The following MAGEC3 variants were observed in gnomAD, a reference collection of about 807,000 sequenced individuals.
MAGEC3 encodes the protein melanoma-associated antigen C3.
In MAGEC3, 34 loss-of-function variants were observed where a neutral mutation model predicts 35.3. The ratio of observed to expected loss-of-function variants is 0.96; its 90% confidence interval spans 0.73 to 1.28. MAGEC3 has a LOEUF of 1.28. Among genes scored for constraint, MAGEC3 ranks in the 50% most tolerant of loss-of-function variants. The pLI, the probability that MAGEC3 is intolerant of heterozygous loss-of-function variation, is 0.00. For synonymous variants in MAGEC3, 202 were observed against 185.6 expected (o/e 1.09, Z -0.72); for missense variants, 561 against 483.6 (o/e 1.16, Z -1.50).
chrX:141,883,404 G>A (rs1056811909), intron 4 of MAGEC3, among the ~76,000 whole-genome samples: 1 of 112,071 alleles, frequency 8.9e-6, no homozygotes, highest in Non-Finnish European at 1.9e-5. Context: ...GTTGGTCCTT[G>A]ATTCAAATTC....
At position 141,895,396 on chromosome X, in the gene MAGEC3, C is replaced by T. The variant is rs371315429; in HGVS notation, c.1037C>T (p.Ala346Val). The T allele has an allele frequency of 2.2e-5, 27 of 1,208,101 alleles. No individual in the cohort carries two copies. Among genetic ancestry groups the T allele is most frequent in the Non-Finnish European group, 3.0e-5 (27 of 894,655 alleles). ...RSAEGSVLDL[A>V]NPQGLAGHRQ... ...GCAGAGGGAAGCGTCTTAGACCTGG[C>T]CAATCCTCAAGGTAAGGGCCCTAAG... Residue 346 changes from alanine (A) to valine (V), a missense_variant, in exon 5 of 8, where the codon GCC becomes GTC. Ala to Val is a moderately conservative substitution (Grantham distance 64). Coordinates refer to ENST00000298296, the MANE Select transcript of MAGEC3 (RefSeq NM_138702.1).
chrX:141,895,969 G>A (rs747807840), intron 6 of MAGEC3, among the ~76,000 whole-genome samples: 66 of 111,773 alleles, frequency 5.9e-4, no homozygotes, highest in African/African-American at 2.0e-3. Context: ...TGCTCTCAGG[G>A]ATGTGGAGTT....
chrX:141,895,659 A>G, intron 6 of MAGEC3, 100 bp downstream of exon 6: 1 of 783,419 alleles, frequency 1.3e-6, no homozygotes, highest in Non-Finnish European at 1.7e-6. Context: ...CCTGCTCCTC[A>G]TATCAGCCCT....
At chrX:141,851,663 A>T (rs1211048839) in intron 1 of MAGEC3, among the ~76,000 whole-genome samples, 1 of 110,524 alleles carries the variant, frequency 9.0e-6, no homozygotes, top group South Asian at 3.8e-4. Context: ...CTTGTCCCAG[A>T]CTCTGACAAT....
chrX:141,896,825 C>A (rs1487977024), intron 6 of MAGEC3, 57 bp from the exon 7 acceptor site: 1 of 1,202,290 alleles, frequency 8.3e-7, no homozygotes, highest in Non-Finnish European at 1.1e-6. Flanking sequence ...TCTTCCTTGT[C>A]CTCATCCTCA....
At chrX:141,892,840 T>G (rs1487024371) in intron 4 of MAGEC3, among the ~76,000 whole-genome samples, 1 of 111,883 alleles carries the variant, frequency 8.9e-6, no homozygotes, top group Non-Finnish European at 1.9e-5. Context: ...AAAAAAGAGA[T>G]AAATTGGACT....
intron 1 of MAGEC3, among the ~76,000 whole-genome samples, chrX:141,840,503 G>A (rs768640014): frequency 9.0e-6 from 1 of 111,730 alleles, no homozygotes; most frequent in South Asian, 3.7e-4. Context: ...GTTCTATGTA[G>A]CAAACTTTGT....
chrX:141,850,931 G>T (rs2017747578), intron 1 of MAGEC3, among the ~76,000 whole-genome samples: 1 of 110,798 alleles, frequency 9.0e-6, no homozygotes, highest in African/African-American at 3.3e-5. Context: ...TATCACAAAA[G>T]ATTGAATTTC....
chrX:141,894,492 C>T lies in MAGEC3; in HGVS notation c.910-777C>T, dbSNP rs765108087. ...AGAGAGATTCTATTAACTTCACACACGGTAGTACTTAAAGTAGAAGGTTTT... is the reference window on the plus strand; with the variant it reads ...AGAGAGATTCTATTAACTTCACACATGGTAGTACTTAAAGTAGAAGGTTTT... On this transcript the variant is annotated intron_variant, in intron 4 of 7. Transcript: ENST00000298296. 5.1e-4 allele frequency: 160 copies of T among 312,371 alleles called. 1 individual carries two copies. The South Asian group carries it at 6.6e-3, about 13-fold the overall frequency. 25.7% of individuals were successfully genotyped at this position (312,371 alleles called of 1,213,427 possible). A position where few individuals can be genotyped will look rare whatever the true frequency, so the allele number is the denominator to read the frequency against.
chrX:141,863,884 G>A (rs753369696), intron 1 of MAGEC3, among the ~76,000 whole-genome samples: 9 of 111,183 alleles, frequency 8.1e-5, no homozygotes, highest in African/African-American at 2.6e-4. Flanking sequence ...AAAATATATA[G>A]CACTCGTTCG....
chrX:141,870,635 T>A (rs913834887), intron 2 of MAGEC3, among the ~76,000 whole-genome samples: 5 of 112,342 alleles, frequency 4.5e-5, no homozygotes, highest in Non-Finnish European at 7.5e-5. Context: ...CTAAAAACAC[T>A]TTTTACTGTT....
chrX:141,848,810 G>C (rs961169680), intron 1 of MAGEC3, among the ~76,000 whole-genome samples: 6 of 110,920 alleles, frequency 5.4e-5, no homozygotes, highest in African/African-American at 1.6e-4. Flanking sequence ...AAAAGAGCCT[G>C]AATAGCCAAA....
At chrX:141,868,426 G>T (rs2017864961) in intron 2 of MAGEC3, among the ~76,000 whole-genome samples, 1 of 111,582 alleles carries the variant, frequency 9.0e-6, no homozygotes, top group South Asian at 3.7e-4. Flanking sequence ...AACAACAGGT[G>T]AGCTACAGTT....
intron 2 of MAGEC3, among the ~76,000 whole-genome samples, chrX:141,868,303 T>G (rs2017864139): frequency 8.9e-6 from 1 of 111,733 alleles, no homozygotes; most frequent in Non-Finnish European, 1.9e-5. Context: ...CTTTCTTAGC[T>G]TTTTAGGCTT....
At position 141,879,410 on chromosome X, in the gene MAGEC3, TGTG is replaced by T. The variant is rs762529153; in HGVS notation, c.496_498del (p.Trp166del). On this transcript the variant is annotated inframe_deletion, in exon 3 of 8. Transcript: ENST00000298296. ...CCTGCCGTCAGCCCTGGAAAAAGGT[TGTG>T]GGGGGAGAAAGCGGGGAGGTGGGCA... The T allele has an allele frequency of 1.4e-4, 167 of 1,174,406 alleles. No individual in the cohort carries two copies. The highest frequency in any genetic ancestry group is 9.5e-5 in the Non-Finnish European group (83 of 877,330).
chrX:141,895,222 T>C, intron 4 of MAGEC3, 47 bp from the exon 5 acceptor site: 1 of 1,167,199 alleles, frequency 8.6e-7, no homozygotes, highest in South Asian at 1.9e-5. Flanking sequence ...TGGGGGGTGG[T>C]TTTTCCATGG....
rs1056453910 is a variant in MAGEC3 at position 141,885,437 on chromosome X, C to T, written c.909+3641C>T. Among the ~76,000 whole-genome samples, 27 of 108,942 alleles carry T rather than the reference C, an allele frequency of 2.5e-4. 1 individual carries two copies. Among genetic ancestry groups the T allele is most frequent in the African/African-American group, 8.3e-4 (25 of 29,946 alleles). 94.6% of individuals were successfully genotyped at this position (108,942 alleles called of 115,157 possible). A position where few individuals can be genotyped will look rare whatever the true frequency, so the allele number is the denominator to read the frequency against. On this transcript the variant is annotated intron_variant, in intron 4 of 7. Coordinates refer to ENST00000298296, the MANE Select transcript of MAGEC3 (RefSeq NM_138702.1). Reference sequence around the variant, plus strand: ...ATCCCAGCACTTTGGGAGGCTGAGGCGGGTGGATCATGAGGTCAGGAGTTC... The same window carrying T: ...ATCCCAGCACTTTGGGAGGCTGAGGTGGGTGGATCATGAGGTCAGGAGTTC...
chrX:141,863,634 A>G (rs967456295), intron 1 of MAGEC3, among the ~76,000 whole-genome samples: 1 of 111,755 alleles, frequency 8.9e-6, no homozygotes, highest in Admixed American at 9.5e-5. Context: ...ATTCTAGAAC[A>G]TAAAGCCTAT....
At chrX:141,874,886 G>T (rs189492309) in intron 2 of MAGEC3, among the ~76,000 whole-genome samples, 24 of 111,037 alleles carry the variant, frequency 2.2e-4, no homozygotes, top group Non-Finnish European at 3.4e-4. Flanking sequence ...TGGGTAGGGG[G>T]TGGTGGTTGA....
Sources: gnomAD v4.1 joint callset for allele counts (sites outside exome capture counted in the v4.1 genomes callset) on GRCh38, gnomAD v4.1.1 for gene constraint, MANE v1.5 for transcripts, NCBI Gene and HGNC (gene_info 2026-07-23, HGNC 2026-07-21) for gene names.